MDGA2: variants seen among roughly 807,000 people sequenced by gnomAD.
The protein encoded by MDGA2 is MAM domain containing glycosylphosphatidylinositol anchor 2.
Under a neutral mutation model 117.8 loss-of-function variants are expected in MDGA2, and 40 were observed. The observed-to-expected ratio is 0.34, with a 90% CI of 0.26 to 0.44. MDGA2 has a LOEUF of 0.44. MDGA2 is among the 20% of genes least tolerant of loss of function. The pLI, the probability that MDGA2 is intolerant of heterozygous loss-of-function variation, is 1.00. For missense variants in MDGA2, 1,123 were observed against 1,250.6 expected (o/e 0.90, Z 1.54); for synonymous variants, 452 against 439.0 (o/e 1.03, Z -0.37).
chr14:46,871,592 T>G (rs1467978723), intron 14 of MDGA2: 1 of 152,838 alleles, frequency 6.5e-6, no homozygotes, highest in Admixed American at 6.5e-5. Flanking sequence ...TATTTTATTA[T>G]TGCTATTATT....
chr14:47,382,047 C>T (rs1275415557), intron 1 of MDGA2, among the ~76,000 whole-genome samples: 2 of 152,066 alleles, frequency 1.3e-5, no homozygotes, highest in African/African-American at 2.4e-5. Context: ...AAAATAATAC[C>T]ACACATCTAC....
At chr14:47,053,573 G>A (rs1454848147) in intron 7 of MDGA2, among the ~76,000 whole-genome samples, 4 of 143,070 alleles carry the variant, frequency 2.8e-5, no homozygotes, top group Non-Finnish European at 6.0e-5. Flanking sequence ...TTTCAACTAT[G>A]AGTAGCAAAT....
At chr14:47,253,150 G>A (rs1031488226) in intron 2 of MDGA2, among the ~76,000 whole-genome samples, 10 of 152,136 alleles carry the variant, frequency 6.6e-5, no homozygotes, top group Non-Finnish European at 1.2e-4. Flanking sequence ...AGATTTGAGT[G>A]AGGACACAGC....
chr14:47,104,927 C>A (rs963106613), intron 5 of MDGA2, among the ~76,000 whole-genome samples: 5 of 152,068 alleles, frequency 3.3e-5, no homozygotes, highest in Non-Finnish European at 7.4e-5. Context: ...TCTCTCCCTT[C>A]TCTTAATTTC....
chr14:47,384,013 A>ATAGATAGATAGG (rs1346120303), intron 1 of MDGA2, among the ~76,000 whole-genome samples: 1 of 118,250 alleles, frequency 8.5e-6, no homozygotes, highest in African/African-American at 2.9e-5. Flanking sequence ...AGATAGATAG[A>ATAGATAGATAGG]TAATAGATAG....
chr14:47,521,043 C>T (rs1352313327), intron 1 of MDGA2, among the ~76,000 whole-genome samples: 2 of 152,144 alleles, frequency 1.3e-5, no homozygotes, highest in Admixed American at 6.6e-5. Flanking sequence ...CAAAACCTGT[C>T]ATGGATAAAA....
chr14:47,571,229 G>C (rs1055184929), intron 1 of MDGA2, among the ~76,000 whole-genome samples: 2 of 152,162 alleles, frequency 1.3e-5, no homozygotes, highest in Non-Finnish European at 2.9e-5. Context: ...GGTTAGAATT[G>C]TGATCATTAA....
At chr14:47,288,257 C>A (rs1888757577) in intron 2 of MDGA2, among the ~76,000 whole-genome samples, 1 of 152,116 alleles carries the variant, frequency 6.6e-6, no homozygotes, top group African/African-American at 2.4e-5. Flanking sequence ...TGTGCAGTAG[C>A]AGACATCATG....
chr14:47,490,302 G>A (rs1894142791), intron 1 of MDGA2, among the ~76,000 whole-genome samples: 1 of 152,038 alleles, frequency 6.6e-6, no homozygotes, highest in South Asian at 2.1e-4. Context: ...CCCAGCACTA[G>A]TATGCATATA....
chr14:46,888,767 G>A (rs1882764702), intron 10 of MDGA2, among the ~76,000 whole-genome samples: 1 of 150,504 alleles, frequency 6.6e-6, no homozygotes, highest in South Asian at 2.1e-4. Flanking sequence ...GAGCTCCATT[G>A]AAAAGTACCA....
At chr14:46,939,140 C>T (rs931553168) in intron 9 of MDGA2, among the ~76,000 whole-genome samples, 3 of 151,718 alleles carry the variant, frequency 2.0e-5, no homozygotes, top group South Asian at 2.1e-4. Context: ...GAGAATAGGG[C>T]AAGATTTTTG....
chr14:47,351,232 C>A (rs890689349), intron 1 of MDGA2, among the ~76,000 whole-genome samples: 1 of 152,094 alleles, frequency 6.6e-6, no homozygotes, highest in South Asian at 2.1e-4. Flanking sequence ...CAGGCGCCTG[C>A]CACCATGCCC....
intron 1 of MDGA2, among the ~76,000 whole-genome samples, chr14:47,495,687 A>G (rs1214890750): frequency 6.6e-6 from 1 of 152,166 alleles, no homozygotes; most frequent in Non-Finnish European, 1.5e-5. Flanking sequence ...ATTAAACGCT[A>G]TTGTTATGTC....
At position 47,176,895 on chromosome 14, in the gene MDGA2, C is replaced by G. The variant is rs1267034550; in HGVS notation, c.596-32621G>C. On this transcript the variant is annotated intron_variant, in intron 3 of 16. Coordinates refer to ENST00000399232, the MANE Select transcript of MDGA2 (RefSeq NM_001113498.3). ...CACAATGGGAGAAAATTTTCGCAAC[C>G]TACTCATCTGACAAAGGGCTAATGT... 2.0e-5 allele frequency among the ~76,000 whole-genome samples: 3 copies of G among 152,198 alleles called. 1 individual carries two copies. The highest frequency in any genetic ancestry group is 7.2e-5 in the African/African-American group (3 of 41,518).
At chr14:47,103,517 T>C (rs1210020704) in intron 5 of MDGA2, among the ~76,000 whole-genome samples, 3 of 152,240 alleles carry the variant, frequency 2.0e-5, no homozygotes, top group Admixed American at 2.0e-4. Flanking sequence ...GAAATTCTAT[T>C]TAAAATGATG....
intron 8 of MDGA2, among the ~76,000 whole-genome samples, chr14:46,995,912 G>A (rs1887271831): frequency 6.6e-6 from 1 of 151,702 alleles, no homozygotes; most frequent in East Asian, 1.9e-4. Flanking sequence ...GTGTAAAGGT[G>A]ACATGTTTAA....
Position 47,355,557 on chromosome 14 carries a change from T to C in MDGA2, c.281-54007A>G, listed in dbSNP as rs145047230. ...CCAGAAAAGGACCCTATAGATATAG[T>C]GCAGGCTTTGCACTCTCTAGGTGGG... On this transcript the variant is annotated intron_variant, in intron 1 of 16. Coordinates refer to ENST00000399232, the MANE Select transcript of MDGA2 (RefSeq NM_001113498.3). 9.9e-5 allele frequency among the ~76,000 whole-genome samples: 15 copies of C among 152,180 alleles called. No homozygotes were observed. The East Asian group carries it at 2.3e-3, about 24-fold the overall frequency.
chr14:47,591,420 G>A (rs1346528064), intron 1 of MDGA2, among the ~76,000 whole-genome samples: 1 of 152,028 alleles, frequency 6.6e-6, no homozygotes, highest in East Asian at 1.9e-4. Context: ...AATTTAAATG[G>A]AGTGACTTCT....
chr14:47,013,534 T>C (rs1388839097), intron 8 of MDGA2, among the ~76,000 whole-genome samples: 4 of 151,912 alleles, frequency 2.6e-5, no homozygotes, highest in Non-Finnish European at 5.9e-5. Context: ...TATTAATGTT[T>C]ATATTTTGAC....
Sources: gnomAD v4.1 joint callset for allele counts (sites outside exome capture counted in the v4.1 genomes callset) on GRCh38, gnomAD v4.1.1 for gene constraint, MANE v1.5 for transcripts, NCBI Gene and HGNC (gene_info 2026-07-23, HGNC 2026-07-21) for gene names.